The following PPM1L variants were observed in gnomAD, a reference collection of about 807,000 sequenced individuals.
PPM1L encodes protein phosphatase, Mg2+/Mn2+ dependent 1L.
In PPM1L, 13 loss-of-function variants were observed where a neutral mutation model predicts 31.4. That is an observed-to-expected ratio of 0.41 (90% CI 0.27 to 0.66). The LOEUF (loss-of-function observed/expected upper bound fraction) is 0.66. PPM1L is among the 30% of genes least tolerant of loss of function. The pLI, the probability that PPM1L is intolerant of heterozygous loss-of-function variation, is 0.29. For synonymous variants in PPM1L, 184 were observed against 175.4 expected (o/e 1.05, Z -0.39); for missense variants, 326 against 453.7 (o/e 0.72, Z 2.56).
intron 2 of PPM1L, among the ~76,000 whole-genome samples, chr3:160,970,608 C>T (rs1576751685): frequency 6.6e-6 from 1 of 151,518 alleles, no homozygotes; most frequent in African/African-American, 2.4e-5. Context: ...TGCAACCACG[C>T]CCAGCTAATT....
intron 2 of PPM1L, among the ~76,000 whole-genome samples, chr3:161,019,924 A>G (rs897013395): frequency 6.6e-6 from 1 of 152,144 alleles, no homozygotes; most frequent in African/African-American, 2.4e-5. Flanking sequence ...GGAGATCGAG[A>G]CCATCCTGAC....
intron 1 of PPM1L, among the ~76,000 whole-genome samples, chr3:160,837,328 C>T (rs1232956623): frequency 1.3e-5 from 2 of 151,978 alleles, no homozygotes; most frequent in African/African-American, 4.8e-5. Context: ...AAATAAGAAA[C>T]AAAAATGATA....
At chr3:160,912,083 T>C (rs1713993866) in intron 1 of PPM1L, among the ~76,000 whole-genome samples, 2 of 152,104 alleles carry the variant, frequency 1.3e-5, no homozygotes. Context: ...ATGTGGATAA[T>C]GGTATGTGCA....
chr3:160,886,587 C>A (rs2108042192), intron 1 of PPM1L, among the ~76,000 whole-genome samples: 1 of 152,234 alleles, frequency 6.6e-6, no homozygotes, highest in East Asian at 1.9e-4. Flanking sequence ...TGAAGTGAAT[C>A]CCCAGCAAAC....
At chr3:160,901,500 A>G (rs1035157479) in intron 1 of PPM1L, among the ~76,000 whole-genome samples, 37 of 152,206 alleles carry the variant, frequency 2.4e-4, no homozygotes, top group African/African-American at 7.5e-4. Flanking sequence ...TCACCCAGTC[A>G]TATTGGTCTA....
chr3:160,841,205 T>G (rs1448851878), intron 1 of PPM1L, among the ~76,000 whole-genome samples: 3 of 152,058 alleles, frequency 2.0e-5, no homozygotes, highest in Non-Finnish European at 4.4e-5. Flanking sequence ...TTTCTCCTGA[T>G]AGCTTACTTC....
chr3:160,813,334 A>G (rs1453725189), intron 1 of PPM1L, among the ~76,000 whole-genome samples: 1 of 151,990 alleles, frequency 6.6e-6, no homozygotes, highest in Non-Finnish European at 1.5e-5. Flanking sequence ...AATATGCATT[A>G]CTTTATTTTA....
intron 1 of PPM1L, among the ~76,000 whole-genome samples, chr3:160,937,160 T>G (rs1199594948): frequency 6.6e-6 from 1 of 152,232 alleles, no homozygotes; most frequent in African/African-American, 2.4e-5. Context: ...AGTATTTATA[T>G]TTACATAGTC....
At chr3:160,851,826 G>A (rs905315603) in intron 1 of PPM1L, among the ~76,000 whole-genome samples, 4 of 152,132 alleles carry the variant, frequency 2.6e-5, no homozygotes, top group Admixed American at 6.5e-5. Context: ...CTGTTACTCC[G>A]TAGTGACCCT....
At chr3:160,809,815 G>C (rs1712755651) in intron 1 of PPM1L, among the ~76,000 whole-genome samples, 1 of 152,036 alleles carries the variant, frequency 6.6e-6, no homozygotes, top group African/African-American at 2.4e-5. Flanking sequence ...ACTTTTTTGA[G>C]GGGCATGAAG....
intron 1 of PPM1L, among the ~76,000 whole-genome samples, chr3:160,954,425 C>T (rs1212595103): frequency 6.6e-6 from 1 of 151,856 alleles, no homozygotes; most frequent in Non-Finnish European, 1.5e-5. Flanking sequence ...GCAATGGCGG[C>T]ATCTCAGCTC....
At chr3:160,932,641 T>C (rs1714825680) in intron 1 of PPM1L, among the ~76,000 whole-genome samples, 1 of 152,178 alleles carries the variant, frequency 6.6e-6, no homozygotes, top group Non-Finnish European at 1.5e-5. Context: ...CTGATCTTAG[T>C]CTATCAAATC....
At chr3:160,846,836 C>T (rs753364314) in intron 1 of PPM1L, among the ~76,000 whole-genome samples, 1 of 152,076 alleles carries the variant, frequency 6.6e-6, no homozygotes, top group Non-Finnish European at 1.5e-5. Context: ...TCTAATTCTA[C>T]ATTGTTATTT....
intron 1 of PPM1L, among the ~76,000 whole-genome samples, chr3:160,786,240 C>T (rs1270156088): frequency 3.2e-5 from 3 of 93,002 alleles, no homozygotes; most frequent in Non-Finnish European, 2.0e-5. Context: ...TTTTTTAAGA[C>T]AGAGTCTCAC....
intron 1 of PPM1L, among the ~76,000 whole-genome samples, chr3:160,785,523 A>G (rs1321516210): frequency 6.6e-6 from 1 of 152,126 alleles, no homozygotes; most frequent in Non-Finnish European, 1.5e-5. Flanking sequence ...AGTAACTGTC[A>G]TTATCTGTTT....
intron 1 of PPM1L, among the ~76,000 whole-genome samples, chr3:160,877,792 C>T (rs895922797): frequency 6.6e-6 from 1 of 152,180 alleles, no homozygotes; most frequent in Admixed American, 6.5e-5. Flanking sequence ...AGGAGCTGGC[C>T]ACCCCACCCT....
At chr3:160,992,761 G>A (rs960510060) in intron 2 of PPM1L, among the ~76,000 whole-genome samples, 23 of 152,202 alleles carry the variant, frequency 1.5e-4, no homozygotes, top group Non-Finnish European at 2.4e-4. Flanking sequence ...TTTTGATCCA[G>A]TTTGGATCAC....
At chr3:160,928,831 C>T (rs1336396173) in intron 1 of PPM1L, among the ~76,000 whole-genome samples, 1 of 152,092 alleles carries the variant, frequency 6.6e-6, no homozygotes, top group Non-Finnish European at 1.5e-5. Context: ...CTGCGAATAC[C>T]TCGATGTTGG....
intron 1 of PPM1L, among the ~76,000 whole-genome samples, chr3:160,936,666 A>G (rs1233298407): frequency 6.6e-6 from 1 of 152,236 alleles, no homozygotes; most frequent in African/African-American, 2.4e-5. Context: ...AACCTTAAAT[A>G]TGAAGTATTT....
Sources: allele counts gnomAD v4.1 joint callset (sites outside exome capture counted in the v4.1 genomes callset), GRCh38; gene constraint gnomAD v4.1.1; transcripts MANE v1.5; gene names NCBI Gene and HGNC (gene_info 2026-07-23, HGNC 2026-07-21).